The following GALNTL6 variants were observed in gnomAD, a reference collection of about 807,000 sequenced individuals.
GALNTL6 encodes polypeptide N-acetylgalactosaminyltransferase like 6.
GALNTL6 carries 46 observed loss-of-function variants against 73.7 expected under a neutral mutation model. The observed-to-expected ratio is 0.62, with a 90% CI of 0.49 to 0.80. The LOEUF (loss-of-function observed/expected upper bound fraction) is 0.80. Among genes scored for constraint, GALNTL6 ranks in the 30% least tolerant of loss-of-function variants. GALNTL6 has a pLI of 0.00. For synonymous variants in GALNTL6, 259 were observed against 263.7 expected, an observed-to-expected ratio of 0.98 and a Z score of 0.17; for missense variants, 604 against 755.0, an observed-to-expected ratio of 0.80 and a Z score of 2.34.
At chr4:172,655,792 A>G (rs1369108402) in intron 5 of GALNTL6, among the ~76,000 whole-genome samples, 3 of 152,222 alleles carry the variant, frequency 2.0e-5, no homozygotes, top group African/African-American at 7.2e-5. Context: ...AAGATAAGTT[A>G]AATGTATCAT....
intron 9 of GALNTL6, among the ~76,000 whole-genome samples, chr4:172,936,556 A>G (rs1748630582): frequency 6.6e-6 from 1 of 152,252 alleles, no homozygotes; most frequent in Non-Finnish European, 1.5e-5. Context: ...CCTTAAGCTG[A>G]TAGGAAACTT....
intron 2 of GALNTL6, among the ~76,000 whole-genome samples, chr4:172,018,054 G>A (rs753775610): frequency 2.0e-5 from 3 of 152,130 alleles, no homozygotes; most frequent in African/African-American, 4.8e-5. Context: ...TAGCCAGGAT[G>A]TTGCAGGCAG....
At chr4:172,663,924 T>A (rs1329099291) in intron 5 of GALNTL6, among the ~76,000 whole-genome samples, 1 of 101,668 alleles carries the variant, frequency 9.8e-6, no homozygotes, top group African/African-American at 3.9e-5. Flanking sequence ...AGTGAGACTC[T>A]GTCTCAAAAA....
intron 2 of GALNTL6, among the ~76,000 whole-genome samples, chr4:171,881,670 ATTTAGGGAATACT>A (rs1736455430): frequency 6.6e-6 from 1 of 152,150 alleles, no homozygotes; most frequent in Admixed American, 6.5e-5. Context: ...TGCTTAAGGG[ATTTAGGGAATACT>A]TTTTCTCTAT....
intron 5 of GALNTL6, among the ~76,000 whole-genome samples, chr4:172,687,606 C>T (rs976200344): frequency 4.5e-5 from 6 of 132,866 alleles, no homozygotes; most frequent in African/African-American, 1.1e-4. Flanking sequence ...CCAGCCTGAG[C>T]GACAAGGCAA....
At chr4:172,461,047 A>T (rs1333061786) in intron 5 of GALNTL6, among the ~76,000 whole-genome samples, 2 of 152,198 alleles carry the variant, frequency 1.3e-5, no homozygotes, top group East Asian at 3.8e-4. Context: ...ATAAAAAATG[A>T]TGAGTTCATG....
intron 5 of GALNTL6, among the ~76,000 whole-genome samples, chr4:172,485,671 T>C (rs1329334262): frequency 6.6e-6 from 1 of 152,114 alleles, no homozygotes; most frequent in African/African-American, 2.4e-5. Flanking sequence ...ATACTATAAA[T>C]GAGTTGACAT....
rs1579646587 is a variant in GALNTL6 at position 172,914,062 on chromosome 4, G to T, written c.1042-17099G>T. Among the ~76,000 whole-genome samples, 3 of 152,300 alleles carry T rather than the reference G, an allele frequency of 2.0e-5. No individual in the cohort carries two copies. In the East Asian group the frequency reaches 5.8e-4, roughly 29 times the overall value. The stretch of plus-strand genomic sequence containing the variant: ...TAATCTCTCAGCAGAAACTCTACAA[G>T]CCAGAAGGTTGGGGGGGTGGTGGCC... On this transcript the variant is annotated intron_variant, in intron 8 of 12. Coordinates refer to ENST00000506823, the MANE Select transcript of GALNTL6 (RefSeq NM_001034845.3).
At chr4:173,034,082 A>G (rs1364040026) in intron 12 of GALNTL6, among the ~76,000 whole-genome samples, 3 of 151,654 alleles carry the variant, frequency 2.0e-5, no homozygotes, top group South Asian at 4.2e-4. Context: ...CTAGACATCC[A>G]CCTCCTCCCT....
chr4:172,793,769 T>G (rs1432485936), intron 5 of GALNTL6, among the ~76,000 whole-genome samples: 2 of 152,214 alleles, frequency 1.3e-5, no homozygotes, highest in Non-Finnish European at 2.9e-5. Flanking sequence ...TGAGCCAACT[T>G]TTGCCTTGGA....
intron 3 of GALNTL6, among the ~76,000 whole-genome samples, chr4:172,263,759 A>G (rs1056738793): frequency 6.6e-6 from 1 of 151,724 alleles, no homozygotes; most frequent in East Asian, 1.9e-4. Flanking sequence ...TTTCTGTTGA[A>G]TAATTATGTT....
chr4:172,613,482 G>A (rs904176746), intron 5 of GALNTL6, among the ~76,000 whole-genome samples: 1 of 151,926 alleles, frequency 6.6e-6, no homozygotes, highest in Non-Finnish European at 1.5e-5. Flanking sequence ...AAAACCATAG[G>A]CAGAGACTGG....
intron 5 of GALNTL6, among the ~76,000 whole-genome samples, chr4:172,685,332 A>G (rs984571331): frequency 6.6e-6 from 1 of 152,206 alleles, no homozygotes. Context: ...TTTCTACTCA[A>G]TTATAGAAGA....
Position 172,719,597 on chromosome 4 carries a change from G to A in GALNTL6, c.554-89764G>A, listed in dbSNP as rs551821493. On this transcript the variant is annotated intron_variant, in intron 5 of 12. Coordinates refer to ENST00000506823, the MANE Select transcript of GALNTL6 (RefSeq NM_001034845.3). ...AATTAGAATAGCATACTTGACTCAGGACGGGTGGTGTGGCTTAATGAGAGC... is the reference window on the plus strand; with the variant it reads ...AATTAGAATAGCATACTTGACTCAGAACGGGTGGTGTGGCTTAATGAGAGC... Among the ~76,000 whole-genome samples the A allele has an allele frequency of 2.0e-5, 3 of 152,214 alleles. No homozygotes were observed. In the South Asian group the frequency reaches 6.2e-4, roughly 32 times the overall value.
intron 7 of GALNTL6, 78 bp from the exon 8 acceptor site, chr4:172,882,712 T>C (rs1404366691): frequency 3.1e-6 from 3 of 963,292 alleles, no homozygotes; most frequent in Admixed American, 3.5e-5. Flanking sequence ...ATATCTTGAA[T>C]TTTACTTTTT....
intron 2 of GALNTL6, among the ~76,000 whole-genome samples, chr4:171,853,583 CTTTTG>C (rs1232714631): frequency 1.1e-4 from 10 of 92,740 alleles, no homozygotes; most frequent in African/African-American, 3.8e-4. Flanking sequence ...TTTTTTCTCT[CTTTTG>C]TTTAGCCACT....
chr4:172,450,224 A>AC (rs1340380860), intron 5 of GALNTL6, among the ~76,000 whole-genome samples: 1 of 151,022 alleles, frequency 6.6e-6, no homozygotes, highest in Non-Finnish European at 1.5e-5. Flanking sequence ...TTAAAAAAAA[A>AC]AAAAAACAAA....
At chr4:172,481,191 T>C (rs1733450953) in intron 5 of GALNTL6, among the ~76,000 whole-genome samples, 2 of 152,014 alleles carry the variant, frequency 1.3e-5, no homozygotes. Context: ...ACCTTCACGA[T>C]GAGTGTTACA....
At chr4:172,690,487 C>A in intron 5 of GALNTL6, among the ~76,000 whole-genome samples, 1 of 152,010 alleles carries the variant, frequency 6.6e-6, no homozygotes, top group Non-Finnish European at 1.5e-5. Context: ...TTTAATGTGC[C>A]TAATAAACAT....
Sources: gnomAD v4.1 joint callset for allele counts (sites outside exome capture counted in the v4.1 genomes callset) on GRCh38, gnomAD v4.1.1 for gene constraint, MANE v1.5 for transcripts, NCBI Gene and HGNC (gene_info 2026-07-23, HGNC 2026-07-21) for gene names.